MYO9A: variants seen among roughly 807,000 people sequenced by gnomAD.
The protein encoded by MYO9A is unconventional myosin-IXa.
A neutral mutation model predicts 293.3 loss-of-function variants in MYO9A; 103 were observed. The ratio of observed to expected loss-of-function variants is 0.35; its 90% CI spans 0.30 to 0.41. The LOEUF is 0.41. Among genes scored for constraint, MYO9A ranks in the 10% least tolerant of loss-of-function variants. The pLI is 1.00. For missense variants in MYO9A, 2,685 were observed against 3,033.0 expected (o/e 0.89, Z 2.69); for synonymous variants, 1,001 against 1,035.7 (o/e 0.97, Z 0.64).
rs1454972151 is a variant in MYO9A, at chr15:71,852,367, T to G, written c.6347-107A>C. On this transcript the variant is annotated intron_variant, in intron 35 of 41. Transcript: ENST00000356056. The stretch of plus-strand genomic sequence containing the variant: ...TAAAGGAAGGCTTCATGTTTCTTTT[T>G]TTTTTTTTTTTTTGAGATGGAGTTT... 29 of 1,116,590 alleles carry G rather than the reference T, an allele frequency of 2.6e-5. No homozygotes were observed. The East Asian group carries it at 8.8e-4, about 34-fold the overall frequency. The allele number at this position is 1,116,590 out of a possible 1,614,324, so 69.2% of individuals were successfully genotyped here. A position where few individuals can be genotyped will look rare whatever the true frequency, so the allele number is the denominator to read the frequency against.
chr15:72,074,304 G>A (rs189843198), intron 1 of MYO9A, among the ~76,000 whole-genome samples: 2 of 151,992 alleles, frequency 1.3e-5, no homozygotes, highest in Non-Finnish European at 2.9e-5. Context: ...AGTTCTTCCA[G>A]TTAGAATTTA....
intron 4 of MYO9A, among the ~76,000 whole-genome samples, chr15:72,021,302 T>C (rs886578305): frequency 2.0e-5 from 3 of 152,216 alleles, no homozygotes; most frequent in Non-Finnish European, 4.4e-5. Context: ...TCTGTCATAA[T>C]TAACCTTTTC....
intron 14 of MYO9A, among the ~76,000 whole-genome samples, chr15:71,955,714 T>C (rs1350299463): frequency 1.3e-5 from 2 of 152,228 alleles, no homozygotes; most frequent in Non-Finnish European, 2.9e-5. Context: ...AATTCCTTGA[T>C]TTAAAGTATA....
At chr15:72,115,104 T>C (rs1464008548) in intron 1 of MYO9A, among the ~76,000 whole-genome samples, 3 of 152,246 alleles carry the variant, frequency 2.0e-5, no homozygotes, top group Non-Finnish European at 2.9e-5. Context: ...ATTCATATAT[T>C]AGATAGTGAA....
chr15:71,967,541 C>T (rs1224429472), intron 13 of MYO9A, among the ~76,000 whole-genome samples: 1 of 152,076 alleles, frequency 6.6e-6, no homozygotes, highest in East Asian at 1.9e-4. Context: ...ACAAATTACA[C>T]AAGAAATGGA....
At chr15:71,961,275 A>G (rs2075732192) in intron 13 of MYO9A, among the ~76,000 whole-genome samples, 1 of 152,180 alleles carries the variant, frequency 6.6e-6, no homozygotes, top group Admixed American at 6.5e-5. Context: ...TGAGAAAATG[A>G]GGAAATCAGG....
At chr15:71,971,539 G>A (rs185246114) in intron 12 of MYO9A, among the ~76,000 whole-genome samples, 67 of 149,520 alleles carry the variant, frequency 4.5e-4, no homozygotes, top group East Asian at 9.8e-4. Flanking sequence ...AGCCATAACC[G>A]CACCACGGCA....
chr15:71,863,558 T>C (rs558261901), intron 32 of MYO9A, among the ~76,000 whole-genome samples: 262 of 152,298 alleles, frequency 1.7e-3, no homozygotes, highest in Non-Finnish European at 3.3e-3. Flanking sequence ...CATCTACTAC[T>C]GCACTCAATC....
intron 1 of MYO9A, among the ~76,000 whole-genome samples, chr15:72,114,876 C>T (rs1224535554): frequency 6.6e-6 from 1 of 152,128 alleles, no homozygotes; most frequent in African/African-American, 2.4e-5. Context: ...AACTAAAAAC[C>T]TTAATATTCT....
intron 28 of MYO9A, among the ~76,000 whole-genome samples, chr15:71,881,183 T>C (rs1567225679): frequency 6.6e-6 from 1 of 152,024 alleles, no homozygotes; most frequent in African/African-American, 2.4e-5. Context: ...GTCAATTTAT[T>C]TTCTCTACAA....
intron 1 of MYO9A, among the ~76,000 whole-genome samples, chr15:72,061,290 T>G (rs2078870899): frequency 6.6e-6 from 1 of 152,200 alleles, no homozygotes; most frequent in African/African-American, 2.4e-5. Context: ...AGAGACTCCT[T>G]CTGCCTGAGA....
chr15:71,901,482 T>G, intron 22 of MYO9A, 142 bp from the exon 23 acceptor site: 1 of 844,494 alleles, frequency 1.2e-6, no homozygotes, highest in South Asian at 1.8e-5. Flanking sequence ...TAAATATTCC[T>G]ACAGATTTAT....
chr15:72,054,992 C>T (rs1024305972), intron 1 of MYO9A, among the ~76,000 whole-genome samples: 1 of 151,198 alleles, frequency 6.6e-6, no homozygotes, highest in Non-Finnish European at 1.5e-5. Flanking sequence ...GACTGTATAT[C>T]AGCTAATCAT....
At chr15:72,055,825 G>A (rs796827050) in intron 1 of MYO9A, among the ~76,000 whole-genome samples, 7 of 152,284 alleles carry the variant, frequency 4.6e-5, no homozygotes, top group African/African-American at 1.4e-4. Flanking sequence ...ATGCTGGCAG[G>A]GATGTGGTGA....
chr15:72,077,744 AAAAAAAAAATATAT>A (rs2079405753), intron 1 of MYO9A, among the ~76,000 whole-genome samples: 1 of 41,336 alleles, frequency 2.4e-5, no homozygotes, highest in African/African-American at 8.0e-5. Flanking sequence ...AAAAAAAAAA[AAAAAAAAAATATAT>A]ATATATATAT....
At chr15:72,101,925 C>A (rs2080356734) in intron 1 of MYO9A, among the ~76,000 whole-genome samples, 1 of 152,144 alleles carries the variant, frequency 6.6e-6, no homozygotes. Context: ...GCGCCTCTGC[C>A]CGGCCGCCCC....
At chr15:72,052,692 A>T (rs1256583686) in intron 1 of MYO9A, among the ~76,000 whole-genome samples, 1 of 152,142 alleles carries the variant, frequency 6.6e-6, no homozygotes, top group African/African-American at 2.4e-5. Flanking sequence ...CCAGCCATGG[A>T]AGCTGCTTGA....
intron 12 of MYO9A, among the ~76,000 whole-genome samples, chr15:71,976,164 G>C (rs1453056044): frequency 1.3e-5 from 2 of 152,142 alleles, no homozygotes; most frequent in Non-Finnish European, 2.9e-5. Context: ...GGTAGACAGT[G>C]TCAAATCTGA....
intron 15 of MYO9A, among the ~76,000 whole-genome samples, chr15:71,944,720 C>A (rs2058867101): frequency 6.6e-6 from 1 of 152,036 alleles, no homozygotes; most frequent in Admixed American, 6.6e-5. Flanking sequence ...ATCCTTAACA[C>A]CAATAGAACA....
Sources: gnomAD v4.1 joint callset for allele counts (sites outside exome capture counted in the v4.1 genomes callset) on GRCh38, gnomAD v4.1.1 for gene constraint, MANE v1.5 for transcripts, NCBI Gene and HGNC (gene_info 2026-07-23, HGNC 2026-07-21) for gene names.